The following NPEPL1 variants were observed in gnomAD, a reference collection of about 807,000 sequenced individuals.
The protein encoded by NPEPL1 is probable aminopeptidase NPEPL1.
NPEPL1 carries 45 observed loss-of-function variants against 52.4 expected under a neutral mutation model. That is an observed-to-expected ratio of 0.86 (90% CI 0.68 to 1.10). The LOEUF is 1.10. NPEPL1 is among the 50% of genes least tolerant of loss of function. The pLI is 0.00. For synonymous variants in NPEPL1, 360 were observed against 314.7 expected (o/e 1.14, Z -1.52); for missense variants, 696 against 710.9 (o/e 0.98, Z 0.24).
At chr20:58,695,167 T>C (rs2084453912) in intron 3 of NPEPL1, among the ~76,000 whole-genome samples, 2 of 46,218 alleles carry the variant, frequency 4.3e-5, no homozygotes, top group South Asian at 1.4e-3. Context: ...GTGTGGTGTG[T>C]GCATGTGTGG....
rs1057188521 is a variant in NPEPL1 at position 58,694,892 on chromosome 20, C to T, written c.507+300C>T. On this transcript the variant is annotated intron_variant, in intron 3 of 11. Coordinates refer to ENST00000356091, the MANE Select transcript of NPEPL1 (RefSeq NM_024663.4). ...TAACCCTGCCCGTTTATGTGAGCTC[C>T]GTGTGCACGTGTGTGATGTATGCAC... Among the ~76,000 whole-genome samples, 50 of 152,316 alleles carry T rather than the reference C, an allele frequency of 3.3e-4. 1 individual carries two copies. The highest frequency in any genetic ancestry group is 1.1e-3 in the African/African-American group (45 of 41,570).
Position 58,692,938 on chromosome 20 carries a change from G to C in NPEPL1, c.38G>C (p.Gly13Ala), listed in dbSNP as rs1326582225. 73 of 1,147,854 alleles carry C rather than the reference G, an allele frequency of 6.4e-5. No homozygotes were observed. Among genetic ancestry groups the C allele is most frequent in the Non-Finnish European group, 2.1e-5 (19 of 919,628 alleles). The allele number at this position is 1,147,854 out of a possible 1,614,324, so 71.1% of individuals were successfully genotyped here. Residue 13 changes from glycine (G) to alanine (A), a missense_variant, in exon 1 of 12, where the codon GGG (glycine) becomes GCG (alanine). By Grantham distance (60) the Gly-to-Ala change is moderately conservative (BLOSUM62 0). Transcript: ENST00000356091. This position sits in a 1 kb window ranked among gnomAD's most constrained non-coding sequence, Gnocchi z 5.7. ...GGGCTGCAGTTCCAGGCGAGCGCGG[G>C]GGACTCGGACCCACAGAGCCGGCCC... ...NVGLQFQASA[G>A]DSDPQSRPLL...
upstream of NPEPL1, chr20:58,691,492 G>A (rs1225677037): frequency 1.5e-6 from 1 of 661,908 alleles, no homozygotes; most frequent in Non-Finnish European, 2.7e-6. Flanking sequence ...TCTAGTCTGT[G>A]GTGTTTCCAA....
At chr20:58,709,586 G>A (rs543127508) in intron 7 of NPEPL1, among the ~76,000 whole-genome samples, 10 of 152,272 alleles carry the variant, frequency 6.6e-5, no homozygotes, top group East Asian at 3.9e-4. Flanking sequence ...AGTGCCTCTC[G>A]CAGCTTTATA....
At position 58,693,035 on chromosome 20, in the gene NPEPL1, C is replaced by T. The variant is rs1236879013; in HGVS notation, c.135C>T (p.Pro45=). ...GCCACGTCCGCGGGAAGCTGCAGCC[C>T]CGGGTCACCGAGGAGGTGAGCGGGC... ...PWSHVRGKLQ[P]RVTEELWQAA... Residue 45 remains proline, a synonymous_variant, in exon 1 of 12, where the codon CCC becomes CCT. Coordinates refer to ENST00000356091, the MANE Select transcript of NPEPL1 (RefSeq NM_024663.4). 1.9e-6 allele frequency: 2 copies of T among 1,056,134 alleles called. No homozygotes were observed. Among genetic ancestry groups the T allele is most frequent in the Non-Finnish European group, 2.3e-6 (2 of 872,518 alleles). 65.4% of individuals were successfully genotyped at this position (1,056,134 alleles called of 1,614,324 possible). A position where few individuals can be genotyped will look rare whatever the true frequency, so the allele number is the denominator to read the frequency against.
chr20:58,715,072 G>C, intron 11 of NPEPL1, 96 bp from the exon 12 acceptor site: 1 of 1,334,552 alleles, frequency 7.5e-7, no homozygotes, highest in Non-Finnish European at 1.0e-6. Context: ...GGACTGTGGG[G>C]CACGTGGAGG....
chr20:58,692,836 G>T lies in NPEPL1; in HGVS notation c.-65G>T. On this transcript the variant is annotated 5_prime_UTR_variant, in exon 1 of 12. Coordinates refer to ENST00000356091, the MANE Select transcript of NPEPL1 (RefSeq NM_024663.4). The surrounding 1 kb of genome is among the most constrained non-coding windows in gnomAD (Gnocchi z 5.7). ...GGTGCCGAGGCCGGGCCGGAGCGGG[G>T]CGAAGGGGGCCGAGCGGCGGGCCGG... 1 of 982,450 alleles carries T rather than the reference G, an allele frequency of 1.0e-6. No homozygotes were observed. Among genetic ancestry groups the T allele is most frequent in the Non-Finnish European group, 1.2e-6 (1 of 828,498 alleles). The allele number at this position is 982,450 out of a possible 1,614,324, so 60.9% of individuals were successfully genotyped here.
intron 1 of NPEPL1, chr20:58,693,432 C>T: frequency 3.3e-6 from 1 of 305,092 alleles, no homozygotes; most frequent in Non-Finnish European, 6.1e-6. Context: ...GACACCTGGC[C>T]CCTGCCCCCT....
At chr20:58,699,452 C>A (rs1241877242) in intron 5 of NPEPL1, among the ~76,000 whole-genome samples, 174 bp downstream of exon 5, 1 of 152,214 alleles carries the variant, frequency 6.6e-6, no homozygotes, top group Admixed American at 6.5e-5. Context: ...AAGCAGCCGT[C>A]CCTGGGGGAG....
upstream of NPEPL1, chr20:58,692,771 G>T: frequency 4.2e-6 from 4 of 962,930 alleles, no homozygotes; most frequent in Non-Finnish European, 4.9e-6. This position sits in a 1 kb window ranked among gnomAD's most constrained non-coding sequence, Gnocchi z 5.7. Flanking sequence ...CGGAGCGGCG[G>T]GGGAGGCGGG....
At position 58,714,623 on chromosome 20, in the gene NPEPL1, T is replaced by G; in HGVS notation, c.1366T>G (p.Trp456Gly). 1.3e-6 allele frequency: 2 copies of G among 1,597,334 alleles called. No homozygotes were observed. Among genetic ancestry groups the G allele is most frequent in the South Asian group, 1.1e-5 (1 of 88,478 alleles). Residue 456 changes from tryptophan to glycine, a missense_variant, in exon 11 of 12, where the codon TGG (tryptophan) becomes GGG (glycine). Transcript: ENST00000356091. ...LFIASHIGFDWPGVWVHLDIA... is the reference protein window; with the variant it reads ...LFIASHIGFDGPGVWVHLDIA... ...CATCGCCTCACACATCGGCTTCGAC[T>G]GGCCCGGAGTCTGGGTCCACCTGGA...
At chr20:58,691,107 T>TC, upstream of NPEPL1, 1 of 703,120 alleles carries the variant, frequency 1.4e-6, no homozygotes, top group Non-Finnish European at 2.6e-6. Context: ...TGTCAGGGCA[T>TC]GGCCTTAGTC....
At chr20:58,707,757 C>A (rs1198445882) in intron 7 of NPEPL1, among the ~76,000 whole-genome samples, 1 of 152,086 alleles carries the variant, frequency 6.6e-6, no homozygotes, top group Non-Finnish European at 1.5e-5. Flanking sequence ...TCCCATGGAG[C>A]CCAGATGTCC....
At chr20:58,708,975 A>G (rs916303086) in intron 7 of NPEPL1, among the ~76,000 whole-genome samples, 1 of 152,098 alleles carries the variant, frequency 6.6e-6, no homozygotes, top group Admixed American at 6.5e-5. Flanking sequence ...TGCCTCTGGG[A>G]CAGGCTGGCT....
At chr20:58,706,168 C>T (rs993730886) in intron 6 of NPEPL1, among the ~76,000 whole-genome samples, 1 of 152,182 alleles carries the variant, frequency 6.6e-6, no homozygotes, top group African/African-American at 2.4e-5. Context: ...GTGGACACTG[C>T]AGGAGAAGGG....
At chr20:58,691,889 T>G (rs1185575315), upstream of NPEPL1, 2 of 1,049,100 alleles carry the variant, frequency 1.9e-6, no homozygotes, top group African/African-American at 3.1e-5. Context: ...GCATCGTCAT[T>G]CCCTGACCCT....
intron 7 of NPEPL1, among the ~76,000 whole-genome samples, chr20:58,707,943 G>A (rs543251172): frequency 1.6e-4 from 25 of 152,306 alleles, no homozygotes; most frequent in East Asian, 5.8e-4. Flanking sequence ...CTAGCCAGGC[G>A]TGGTGGCGCG....
intron 7 of NPEPL1, chr20:58,710,861 GC>G (rs2084821654): frequency 6.6e-6 from 1 of 152,522 alleles, no homozygotes; most frequent in Non-Finnish European, 1.5e-5. Context: ...GCAGACCTCA[GC>G]ACTGTTTGCC....
At chr20:58,694,063 G>T in intron 2 of NPEPL1, 141 bp downstream of exon 2, 1 of 877,872 alleles carries the variant, frequency 1.1e-6, no homozygotes, top group Non-Finnish European at 1.7e-6. Context: ...CTGTAGACAG[G>T]GAAACAGGTC....
Sources: gnomAD v4.1 joint callset for allele counts (sites outside exome capture counted in the v4.1 genomes callset) on GRCh38, gnomAD v4.1.1 for gene constraint, Gnocchi (gnomAD v3.1) non-coding constraint, MANE v1.5 for transcripts, NCBI Gene and HGNC (gene_info 2026-07-23, HGNC 2026-07-21) for gene names.